Variants in NUP210L observed in about 807,000 individuals in gnomAD.
NUP210L encodes the protein nuclear pore membrane glycoprotein 210-like.
In NUP210L, 74 loss-of-function variants were observed where a neutral mutation model predicts 208.5. The observed-to-expected ratio is 0.35, with a 90% CI of 0.29 to 0.43. The LOEUF is 0.43. Among genes scored for constraint, NUP210L ranks in the 20% least tolerant of loss-of-function variants. NUP210L has a pLI of 1.00. For missense variants in NUP210L, 1,843 were observed against 2,289.4 expected, an observed-to-expected ratio of 0.81 and a Z score of 3.98; for synonymous variants, 780 against 816.9, an observed-to-expected ratio of 0.95 and a Z score of 0.77.
At chr1:153,997,338 T>C (rs1034053904) in intron 37 of NUP210L, among the ~76,000 whole-genome samples, 1 of 151,808 alleles carries the variant, frequency 6.6e-6, no homozygotes, top group Non-Finnish European at 1.5e-5. Flanking sequence ...ATGAGGTCTC[T>C]CTATGTTGCG....
rs117244529 is a variant in NUP210L, at chr1:154,057,878, G to C, written c.3107+211C>G. ...CCTGCCCTAGCCTCCTGAGTAGCTG[G>C]GACTACAGGCATGTACCCTCACGCC... On this transcript the variant is annotated intron_variant, in intron 22 of 39. Coordinates refer to ENST00000368559, the Ensembl canonical transcript of NUP210L. 4.6e-4 allele frequency among the ~76,000 whole-genome samples: 70 copies of C among 152,202 alleles called. 1 individual carries two copies. In the East Asian group the frequency reaches 0.012, roughly 25 times the overall value.
intron 12 of NUP210L, among the ~76,000 whole-genome samples, chr1:154,112,676 G>T: frequency 6.6e-6 from 1 of 151,858 alleles, no homozygotes. Flanking sequence ...GGCAATATAG[G>T]GAGACCCTGT....
In NUP210L at chr1:154,052,741, A is replaced by G. The variant is rs182584811; in HGVS notation, c.3483+1487T>C. On this transcript the variant is annotated intron_variant, in intron 25 of 39. Transcript: ENST00000368559. ...ATTGCCCTCAAAAACCTATTCGTAA[A>G]CAGAATTGAATCTGGCCAGAAATAA... 2.6e-5 allele frequency among the ~76,000 whole-genome samples: 4 copies of G among 152,292 alleles called. No individual in the cohort carries two copies. In the East Asian group the frequency reaches 7.7e-4, roughly 29 times the overall value.
chr1:154,035,638 A>G (rs1652492028), intron 27 of NUP210L, among the ~76,000 whole-genome samples: 1 of 151,856 alleles, frequency 6.6e-6, no homozygotes, highest in Non-Finnish European at 1.5e-5. Flanking sequence ...ACTTCAAGTG[A>G]TCTGCCCACC....
exon 39 of NUP210L, chr1:153,993,048 C>T (rs752374220): frequency 2.5e-6 from 4 of 1,613,638 alleles, no homozygotes; most frequent in Non-Finnish European, 3.4e-6. Context: ...GGTACATACA[C>T]AACTGGAACT....
chr1:154,050,402 A>C (rs1653421474), intron 25 of NUP210L, among the ~76,000 whole-genome samples: 1 of 152,192 alleles, frequency 6.6e-6, no homozygotes, highest in Non-Finnish European at 1.5e-5. Flanking sequence ...AAGTCCATAA[A>C]GCTCAAAAGA....
At chr1:154,133,855 A>C (rs945856575) in intron 7 of NUP210L, among the ~76,000 whole-genome samples, 1 of 151,834 alleles carries the variant, frequency 6.6e-6, no homozygotes, top group Non-Finnish European at 1.5e-5. Flanking sequence ...CTCTACAAAA[A>C]TAATAATTTT....
chr1:154,103,918 C>T, intron 13 of NUP210L, 94 bp downstream of exon 13: 2 of 950,030 alleles, frequency 2.1e-6, no homozygotes. Context: ...TTGATTGCTT[C>T]CTTAAAGACA....
intron 38 of NUP210L, 98 bp downstream of exon 38, chr1:153,994,978 C>T (rs1165286744): frequency 1.4e-6 from 1 of 738,882 alleles, no homozygotes; most frequent in Non-Finnish European, 2.2e-6. Context: ...CGCCACTGCA[C>T]TCCAGCGTGG....
intron 5 of NUP210L, 32 bp downstream of exon 5, chr1:154,139,770 T>C: frequency 6.3e-7 from 1 of 1,589,320 alleles, no homozygotes; most frequent in Non-Finnish European, 8.6e-7. Context: ...AAAAAACAAG[T>C]AAGGAAAATT....
exon 36 of NUP210L, chr1:154,001,865 C>G: frequency 6.2e-7 from 1 of 1,614,130 alleles, no homozygotes; most frequent in Non-Finnish European, 8.5e-7. Context: ...TCGTTGCATT[C>G]CATTCTTGCT....
chr1:154,094,816 A>G, intron 15 of NUP210L, 119 bp downstream of exon 15: 2 of 699,656 alleles, frequency 2.9e-6, no homozygotes, highest in Non-Finnish European at 4.8e-6. Flanking sequence ...ATCAATAATT[A>G]GAATTTTCCT....
At chr1:154,125,689 GGA>G in intron 10 of NUP210L, among the ~76,000 whole-genome samples, 1 of 12,338 alleles carries the variant, frequency 8.1e-5, no homozygotes, top group Non-Finnish European at 2.7e-4. Flanking sequence ...AAGGAAGGAA[GGA>G]AGGAAGGAAG....
At chr1:154,117,755 T>C in exon 12 of NUP210L, 1 of 1,613,494 alleles carries the variant, frequency 6.2e-7, no homozygotes, top group East Asian at 2.2e-5. Context: ...AGGGATTTTG[T>C]ACATCTCGGG....
chr1:154,125,979 G>A (rs1033376564), intron 10 of NUP210L, among the ~76,000 whole-genome samples: 38 of 149,858 alleles, frequency 2.5e-4, no homozygotes, highest in African/African-American at 8.1e-4. Flanking sequence ...CGTTTTAGCC[G>A]GGATGGTCTC....
At chr1:154,136,052 A>G in intron 6 of NUP210L, 80 bp from the exon 7 acceptor site, 1 of 965,574 alleles carries the variant, frequency 1.0e-6, no homozygotes, top group Non-Finnish European at 1.6e-6. Context: ...TCATAAAGGA[A>G]TGATCAGGAA....
At chr1:154,123,585 A>C (rs984273666) in intron 10 of NUP210L, among the ~76,000 whole-genome samples, 3 of 152,060 alleles carry the variant, frequency 2.0e-5, no homozygotes, top group South Asian at 2.1e-4. Context: ...AAGTTTAAAA[A>C]GTTATTAATG....
In NUP210L at chr1:154,042,415, TTTGTTGTTGTTG is replaced by T. The variant is rs575841395; in HGVS notation, c.3696+3642_3696+3653del. The stretch of plus-strand genomic sequence containing the variant: ...GCCGCACCCAGCCCATGAAGGCCTT[TTTGTTGTTGTTG>T]TTGTTGTTGTTGTTGTTGAGACGGA... On this transcript the variant is annotated intron_variant, in intron 27 of 39. Coordinates refer to ENST00000368559, the Ensembl canonical transcript of NUP210L. Among the ~76,000 whole-genome samples the T allele has an allele frequency of 5.4e-5, 8 of 146,848 alleles. No homozygotes were observed. The South Asian group carries it at 6.6e-4, about 12-fold the overall frequency.
chr1:154,094,046 G>C (rs566886897), intron 15 of NUP210L, among the ~76,000 whole-genome samples: 2 of 152,128 alleles, frequency 1.3e-5, no homozygotes, highest in Non-Finnish European at 2.9e-5. Context: ...CACTTTGGGA[G>C]GCCGAGTTGG....
Sources: allele counts gnomAD v4.1 joint callset (sites outside exome capture counted in the v4.1 genomes callset), GRCh38; gene constraint gnomAD v4.1.1; transcripts MANE v1.5; gene names NCBI Gene and HGNC (gene_info 2026-07-23, HGNC 2026-07-21).